The following MRPL42 variants were observed in gnomAD, a reference collection of about 807,000 sequenced individuals.
MRPL42 encodes large ribosomal subunit protein mL42.
In MRPL42, 17 loss-of-function variants were observed where a neutral mutation model predicts 17.9. The ratio of observed to expected loss-of-function variants is 0.95; its 90% confidence interval spans 0.65 to 1.42. MRPL42 has a LOEUF of 1.42. Among genes scored for constraint, MRPL42 ranks in the 40% most tolerant of loss-of-function variants. The pLI is 0.00. For missense variants in MRPL42, 177 were observed against 175.2 expected (o/e 1.01, Z -0.06); for synonymous variants, 59 against 54.4 (o/e 1.08, Z -0.37).
chr12:93,509,306 T>C lies in MRPL42; in HGVS notation c.*8085T>C, dbSNP rs1953702600. Reference sequence around the variant, plus strand: ...TTCTTGCCCTCATTTGATAATATTTTTAGTTTTAGCCATTCTAATGGATAT... The same window carrying C: ...TTCTTGCCCTCATTTGATAATATTTCTAGTTTTAGCCATTCTAATGGATAT... On this transcript the variant is annotated 3_prime_UTR_variant, in exon 6 of 6. Transcript: ENST00000549982. The C allele has an allele frequency of 6.6e-6, 1 of 152,162 alleles. No individual in the cohort carries two copies. The highest frequency in any genetic ancestry group is 1.5e-5 in the Non-Finnish European group (1 of 68,034). The allele number at this position is 152,162 out of a possible 1,614,324, so 9.4% of individuals were successfully genotyped here.
rs1385738308 is a variant in MRPL42, at chr12:93,502,961, T to C, written c.*1740T>C. ...TTTTGCTTTTCATGGGTTGCTGATT[T>C]TTAATTTTGCTAAATAAGCACATAG... On this transcript the variant is annotated 3_prime_UTR_variant, in exon 6 of 6. Transcript: ENST00000549982. 1 of 147,880 alleles carries C rather than the reference T, an allele frequency of 6.8e-6. No homozygotes were observed. The highest frequency in any genetic ancestry group is 1.5e-5 in the Non-Finnish European group (1 of 66,988). The allele number at this position is 147,880 out of a possible 1,614,324, so 9.2% of individuals were successfully genotyped here. A position where few individuals can be genotyped will look rare whatever the true frequency, so the allele number is the denominator to read the frequency against.
intron 4 of MRPL42, among the ~76,000 whole-genome samples, chr12:93,483,822 T>A (rs1230897197): frequency 6.6e-6 from 1 of 152,258 alleles, no homozygotes; most frequent in African/African-American, 2.4e-5. Flanking sequence ...TTTTTTACTC[T>A]TTTGTAATAA....
chr12:93,467,577 C>G (rs1481760042), intron 1 of MRPL42, 23 bp downstream of exon 1: 1 of 152,330 alleles, frequency 6.6e-6, no homozygotes, highest in East Asian at 1.9e-4. Context: ...CTCTACTCCT[C>G]CTGTCGAGGA....
chr12:93,485,991 A>AT (rs1565814346), intron 4 of MRPL42, among the ~76,000 whole-genome samples: 2 of 147,270 alleles, frequency 1.4e-5, no homozygotes, highest in Non-Finnish European at 2.9e-5. Context: ...TTGTTTTTAA[A>AT]TTTTTTGTAG....
At chr12:93,494,610 A>C (rs1953461357) in intron 5 of MRPL42, among the ~76,000 whole-genome samples, 2 of 152,224 alleles carry the variant, frequency 1.3e-5, no homozygotes, top group African/African-American at 4.8e-5. Context: ...CCTACTACAC[A>C]TGTCAAGTAG....
rs908709099 is a variant in MRPL42, at chr12:93,509,300, ATATTTT to A, written c.*8082_*8087del. ...GCTATATTCTTGCCCTCATTTGATA[ATATTTT>A]TAGTTTTAGCCATTCTAATGGATAT... On this transcript the variant is annotated 3_prime_UTR_variant, in exon 6 of 6. Transcript: ENST00000549982. The A allele has an allele frequency of 1.2e-4, 18 of 152,168 alleles. No homozygotes were observed. The highest frequency in any genetic ancestry group is 4.1e-4 in the African/African-American group (17 of 41,512). 9.4% of individuals were successfully genotyped at this position (152,168 alleles called of 1,614,324 possible). A position where few individuals can be genotyped will look rare whatever the true frequency, so the allele number is the denominator to read the frequency against.
chr12:93,487,990 A>G (rs991538659), intron 5 of MRPL42: 4 of 247,114 alleles, frequency 1.6e-5, no homozygotes, highest in African/African-American at 9.2e-5. Flanking sequence ...TTTTTTTGAG[A>G]CAAAGAGTCT....
At chr12:93,481,838 A>G (rs973767052) in intron 4 of MRPL42, among the ~76,000 whole-genome samples, 2 of 152,160 alleles carry the variant, frequency 1.3e-5, no homozygotes, top group Non-Finnish European at 2.9e-5. Flanking sequence ...TTTGTAACCT[A>G]CATCGATTGA....
chr12:93,483,893 A>G (rs1240099375), intron 4 of MRPL42, among the ~76,000 whole-genome samples: 1 of 152,114 alleles, frequency 6.6e-6, no homozygotes, highest in Admixed American at 6.6e-5. Flanking sequence ...TCCTTATTCT[A>G]TAAGCTTTTT....
rs191661274 is a variant in MRPL42, at chr12:93,501,988, T to C, written c.*767T>C. 1 of 152,336 alleles carries C rather than the reference T, an allele frequency of 6.6e-6. No homozygotes were observed. The highest frequency in any genetic ancestry group is 1.5e-5 in the Non-Finnish European group (1 of 68,028). 9.4% of individuals were successfully genotyped at this position (152,336 alleles called of 1,614,324 possible). ...TTGAAAAGGGAGTATAATTACATTT[T>C]ACAGTGACTCGAACCTTACCCAAAC... On this transcript the variant is annotated 3_prime_UTR_variant, in exon 6 of 6. Coordinates refer to ENST00000549982, the MANE Select transcript of MRPL42 (RefSeq NM_014050.4).
intron 4 of MRPL42, among the ~76,000 whole-genome samples, chr12:93,479,781 A>G (rs1880367317): frequency 6.6e-6 from 1 of 151,830 alleles, no homozygotes; most frequent in Non-Finnish European, 1.5e-5. Context: ...GCATTATCCC[A>G]TGCTACCCCA....
intron 4 of MRPL42, among the ~76,000 whole-genome samples, chr12:93,486,762 A>G (rs1022428894): frequency 2.0e-5 from 3 of 152,232 alleles, no homozygotes; most frequent in Admixed American, 2.0e-4. Context: ...AGAAACAGAA[A>G]CTAAAGTAAT....
chr12:93,470,383 A>G (rs900161465), intron 2 of MRPL42: 88 of 1,050,846 alleles, frequency 8.4e-5, no homozygotes, highest in Non-Finnish European at 1.1e-4. Flanking sequence ...TCTTATAGGA[A>G]GCTTTCCATT....
chr12:93,474,253 G>C (rs1880054073), intron 2 of MRPL42, among the ~76,000 whole-genome samples: 1 of 151,858 alleles, frequency 6.6e-6, no homozygotes, highest in Non-Finnish European at 1.5e-5. Flanking sequence ...TTTATATTCA[G>C]AGATACAAAA....
intron 4 of MRPL42, among the ~76,000 whole-genome samples, chr12:93,485,005 T>TAC (rs754993975): frequency 2.4e-4 from 12 of 49,690 alleles, no homozygotes; most frequent in Non-Finnish European, 3.7e-4. Context: ...TATATATATA[T>TAC]ATATATATAT....
At chr12:93,490,993 C>T (rs1232731955) in intron 5 of MRPL42, among the ~76,000 whole-genome samples, 3 of 152,132 alleles carry the variant, frequency 2.0e-5, no homozygotes, top group African/African-American at 4.8e-5. Context: ...CGGATTCAAG[C>T]GATTCTAGTG....
At chr12:93,479,325 A>T in intron 3 of MRPL42, 63 bp from the exon 4 acceptor site, 2 of 1,303,326 alleles carry the variant, frequency 1.5e-6, no homozygotes, top group Non-Finnish European at 2.1e-6. Context: ...AAAAAAAAAA[A>T]AAAGGTAATC....
At position 93,507,455 on chromosome 12, in the gene MRPL42, AG is replaced by A. The variant is rs1261267831; in HGVS notation, c.*6235del. On this transcript the variant is annotated 3_prime_UTR_variant, in exon 6 of 6. Transcript: ENST00000549982. Reference sequence around the variant, plus strand: ...TTAAGGATTTAATAACTTGCTTATAAGTGTTTAAAATGACTTAATGGGTTCT... The same window carrying A: ...TTAAGGATTTAATAACTTGCTTATAATGTTTAAAATGACTTAATGGGTTCT... 1.3e-5 allele frequency: 2 copies of A among 152,234 alleles called. No individual in the cohort carries two copies. Among genetic ancestry groups the A allele is most frequent in the African/African-American group, 4.8e-5 (2 of 41,462 alleles). 9.4% of individuals were successfully genotyped at this position (152,234 alleles called of 1,614,324 possible).
chr12:93,481,367 A>G (rs1417905998), intron 4 of MRPL42, among the ~76,000 whole-genome samples: 1 of 152,184 alleles, frequency 6.6e-6, no homozygotes, highest in Non-Finnish European at 1.5e-5. Context: ...CACTGGGTCT[A>G]AAGATGGGGA....
Sources: allele counts gnomAD v4.1 joint callset (sites outside exome capture counted in the v4.1 genomes callset), GRCh38; gene constraint gnomAD v4.1.1; transcripts MANE v1.5; gene names NCBI Gene and HGNC (gene_info 2026-07-23, HGNC 2026-07-21).